The following HYDIN variants were observed in gnomAD, a reference collection of about 807,000 sequenced individuals.
The protein encoded by HYDIN is HYDIN axonemal central pair apparatus protein, also known as axonemal central pair apparatus protein HYDIN.
HYDIN carries 132 observed loss-of-function variants against 403.9 expected under a neutral mutation model. The observed-to-expected ratio is 0.33, with a 90% CI of 0.28 to 0.38. The LOEUF is 0.38. Among genes scored for constraint, HYDIN ranks in the 10% least tolerant of loss-of-function variants. The probability of loss-of-function intolerance (pLI) is 1.00; values close to 1 mark genes in which losing one functional copy is unlikely to be tolerated. For synonymous variants in HYDIN, 1,202 were observed against 1,891.7 expected, an observed-to-expected ratio of 0.64 and a Z score of 9.46; for missense variants, 2,827 against 5,009.5, an observed-to-expected ratio of 0.56 and a Z score of 13.15.
Position 70,908,438 on chromosome 16 carries a change from C to T in HYDIN, c.8214-4G>A. 3 of 1,027,292 alleles carry T rather than the reference C, an allele frequency of 2.9e-6. No individual in the cohort carries two copies. The highest frequency in any genetic ancestry group is 4.2e-6 in the Non-Finnish European group (3 of 711,028). 63.6% of individuals were successfully genotyped at this position (1,027,292 alleles called of 1,614,324 possible). ...GATCCACCGGAAGTGATTCAGTCTG[C>T]AAATGACCACACAGGTTTATAAAGT... On this transcript the variant is annotated splice_region_variant and splice_polypyrimidine_tract_variant and intron_variant, in intron 48 of 85. Transcript: ENST00000393567.
chr16:71,228,583 A>C (rs1304111459), intron 1 of HYDIN, among the ~76,000 whole-genome samples: 1 of 152,238 alleles, frequency 6.6e-6, no homozygotes, highest in Non-Finnish European at 1.5e-5. Flanking sequence ...GCCATCAGAG[A>C]AATGCAAATC....
At chr16:70,943,674 C>G (rs1350985109) in intron 42 of HYDIN, 138 bp downstream of exon 42, 4 of 1,266,542 alleles carry the variant, frequency 3.2e-6, no homozygotes, top group Non-Finnish European at 4.2e-6. Context: ...CAAGAGCTGT[C>G]AAAAAGACAA....
chr16:71,072,513 G>A (rs1318317574), intron 13 of HYDIN, among the ~76,000 whole-genome samples: 3 of 152,002 alleles, frequency 2.0e-5, no homozygotes, highest in Non-Finnish European at 4.4e-5. Flanking sequence ...GAGTTAAAAA[G>A]AATTTTATAG....
intron 45 of HYDIN, among the ~76,000 whole-genome samples, chr16:70,929,182 C>T (rs2486983): frequency 0.46 from 57,438 of 123,964 alleles, 15,502 homozygotes; most frequent in Non-Finnish European, 0.61. Context: ...CCCAGCTACT[C>T]GGGAGGCTGA....
At position 70,807,832 on chromosome 16, in the gene HYDIN, T is replaced by A; in HGVS notation, c.15114A>T (p.Ile5038=). 1 of 1,614,120 alleles carries A rather than the reference T, an allele frequency of 6.2e-7. No individual in the cohort carries two copies. The change falls in exon 86 of 86, where the codon ATA becomes ATT. Residue 5038 remains isoleucine, a synonymous_variant. Transcript: ENST00000393567. ...AGAAGACATTCTTGAAGGGGATGAT[T>A]ATGCTGTACCCGGCTCGGATCGAGA... ...GPFSIRAGYS[I]IIPFKNVFYH...
chr16:70,841,812 C>A, intron 75 of HYDIN, among the ~76,000 whole-genome samples: 1 of 151,782 alleles, frequency 6.6e-6, no homozygotes, highest in East Asian at 1.9e-4. Context: ...AAGGCCCTCA[C>A]CAGATGCTGG....
intron 1 of HYDIN, among the ~76,000 whole-genome samples, chr16:71,229,218 A>T (rs1218401554): frequency 1.3e-5 from 2 of 151,974 alleles, no homozygotes; most frequent in African/African-American, 4.8e-5. Context: ...TGACTAGTTA[A>T]TGGGTGCAGC....
intron 1 of HYDIN, among the ~76,000 whole-genome samples, chr16:71,227,225 C>T (rs1437363126): frequency 2.0e-5 from 3 of 151,640 alleles, no homozygotes; most frequent in African/African-American, 7.3e-5. Context: ...CCAAGTTCAC[C>T]AAACTTCTTC....
At chr16:71,061,415 G>A (rs1347921542) in intron 17 of HYDIN, among the ~76,000 whole-genome samples, 1 of 152,242 alleles carries the variant, frequency 6.6e-6, no homozygotes, top group African/African-American at 2.4e-5. Context: ...AGAAACGTAA[G>A]GTGACATCAC....
intron 9 of HYDIN, among the ~76,000 whole-genome samples, chr16:71,117,227 AC>A (rs1486651336): frequency 7.6e-6 from 1 of 132,424 alleles, no homozygotes; most frequent in African/African-American, 2.9e-5. Flanking sequence ...TTTAATTGGA[AC>A]TACCAAAAAG....
At chr16:71,106,685 A>G (rs916947991) in intron 10 of HYDIN, among the ~76,000 whole-genome samples, 2 of 152,010 alleles carry the variant, frequency 1.3e-5, no homozygotes, top group African/African-American at 4.8e-5. Context: ...ATATTTACAT[A>G]ATGGAACACT....
chr16:71,077,375 T>C (rs112812755), intron 13 of HYDIN, among the ~76,000 whole-genome samples: 4 of 152,116 alleles, frequency 2.6e-5, no homozygotes, highest in South Asian at 2.1e-4. Flanking sequence ...TTTATATTCT[T>C]AAATGATATT....
chr16:70,854,740 TCAA>T (rs2038907952), intron 73 of HYDIN, among the ~76,000 whole-genome samples: 1 of 135,762 alleles, frequency 7.4e-6, no homozygotes, highest in Non-Finnish European at 1.6e-5. Flanking sequence ...ACTCCTGACC[TCAA>T]GTGATTCGCC....
At chr16:70,853,802 A>C (rs1286102038) in intron 73 of HYDIN, among the ~76,000 whole-genome samples, 1 of 146,950 alleles carries the variant, frequency 6.8e-6, no homozygotes, top group African/African-American at 2.7e-5. Context: ...AGGTTGTGAC[A>C]TTTTACTGAA....
rs1244949306 is a variant in HYDIN at position 70,849,815 on chromosome 16, T to G, written c.12784A>C (p.Thr4262Pro). ...TGTACACTCTGTCCTACATCCACAG[T>G]GCTGTCGATGGGTGAAAATTCCAAG... ...QYLEFSPIDS[T>P]VDVGQSVHAT... The change falls in exon 75 of 86, where the codon ACT (threonine) becomes CCT (proline). Residue 4262 changes from threonine (T) to proline (P), a missense_variant. By Grantham distance (38) the Thr-to-Pro change is conservative (BLOSUM62 -1). Transcript: ENST00000393567. 1 of 846,874 alleles carries G rather than the reference T, an allele frequency of 1.2e-6. No individual in the cohort carries two copies. The highest frequency in any genetic ancestry group is 1.7e-5 in the African/African-American group (1 of 58,478). The allele number at this position is 846,874 out of a possible 1,614,324, so 52.5% of individuals were successfully genotyped here.
chr16:70,938,088 G>C (rs1472733668), intron 44 of HYDIN, among the ~76,000 whole-genome samples: 2 of 152,252 alleles, frequency 1.3e-5, no homozygotes, highest in African/African-American at 4.8e-5. Flanking sequence ...CCCAGGCTGA[G>C]GATCCCATGG....
intron 10 of HYDIN, among the ~76,000 whole-genome samples, chr16:71,105,392 T>C (rs1401820358): frequency 6.7e-6 from 1 of 149,780 alleles, no homozygotes; most frequent in Non-Finnish European, 1.5e-5. Context: ...GAGTAACCAA[T>C]ATGTAGCATA....
At chr16:71,222,477 C>A (rs563196044) in intron 1 of HYDIN, among the ~76,000 whole-genome samples, 1 of 152,184 alleles carries the variant, frequency 6.6e-6, no homozygotes, top group African/African-American at 2.4e-5. Flanking sequence ...TACTGGAAGT[C>A]CTAGCCAGAG....
rs757526750 is a variant in HYDIN, at chr16:70,833,045, AT to A, written c.13701del (p.Lys4567AsnfsTer25). 2 of 1,613,200 alleles carry A rather than the reference AT, an allele frequency of 1.2e-6. No homozygotes were observed. The highest frequency in any genetic ancestry group is 1.7e-6 in the Non-Finnish European group (2 of 1,179,658). On this transcript the variant is annotated frameshift_variant, in exon 80 of 86. Transcript: ENST00000393567. LOFTEE classifies it high-confidence loss of function. ...GGGCTAATGGAGAAATGAGGCTCAA[AT>A]TTTTTGATGTCCCATTTAAACCTTT... ...VGARFKWDIK[K>X]FEPHFSISPE...
Sources: allele counts gnomAD v4.1 joint callset (sites outside exome capture counted in the v4.1 genomes callset), GRCh38; gene constraint gnomAD v4.1.1; transcripts MANE v1.5; gene names NCBI Gene and HGNC (gene_info 2026-07-23, HGNC 2026-07-21).